The following THSD7B variants were observed in gnomAD, a reference collection of about 807,000 sequenced individuals.
THSD7B encodes thrombospondin type 1 domain containing 7B.
THSD7B carries 138 observed loss-of-function variants against 213.6 expected under a neutral mutation model. The observed-to-expected ratio is 0.65, with a 90% CI of 0.56 to 0.74. The LOEUF is 0.74. Among genes scored for constraint, THSD7B ranks in the 30% least tolerant of loss-of-function variants. The probability of loss-of-function intolerance (pLI) is 0.00; values close to 1 mark genes in which losing one functional copy is unlikely to be tolerated. For missense variants in THSD7B, 1,931 were observed against 1,991.5 expected, an observed-to-expected ratio of 0.97 and a Z score of 0.58; for synonymous variants, 742 against 687.0, an observed-to-expected ratio of 1.08 and a Z score of -1.25.
intron 4 of THSD7B, among the ~76,000 whole-genome samples, chr2:137,103,721 G>A (rs935866239): frequency 1.3e-5 from 2 of 151,708 alleles, no homozygotes; most frequent in Admixed American, 6.6e-5. Flanking sequence ...AAAAAAAGAA[G>A]CAGGGGTTTC....
chr2:137,018,500 T>A (rs1027625382), intron 2 of THSD7B, among the ~76,000 whole-genome samples: 1 of 152,160 alleles, frequency 6.6e-6, no homozygotes, highest in Non-Finnish European at 1.5e-5. Flanking sequence ...ACACAAGGAT[T>A]CACCAGCACA....
chr2:137,663,707 C>A, intron 26 of THSD7B, 132 bp downstream of exon 26: 1 of 784,038 alleles, frequency 1.3e-6, no homozygotes, highest in Non-Finnish European at 2.0e-6. Flanking sequence ...AGGCATAATT[C>A]AGGGTTTCTC....
chr2:137,621,833 T>C (rs934125193), intron 20 of THSD7B, among the ~76,000 whole-genome samples: 4 of 152,182 alleles, frequency 2.6e-5, no homozygotes, highest in Non-Finnish European at 1.5e-5. Context: ...ATGATTCTTG[T>C]GGCTAGAAGG....
chr2:137,213,010 A>G (rs1165464647), intron 7 of THSD7B, among the ~76,000 whole-genome samples: 1 of 148,326 alleles, frequency 6.7e-6, no homozygotes, highest in Non-Finnish European at 1.5e-5. Flanking sequence ...TCTAAATTGC[A>G]TAAGGTGATA....
intron 4 of THSD7B, among the ~76,000 whole-genome samples, chr2:137,112,503 T>C (rs998177332): frequency 9.9e-5 from 15 of 152,254 alleles, no homozygotes; most frequent in African/African-American, 3.4e-4. Context: ...CATTAAACTC[T>C]TGTTTTCATT....
intron 1 of THSD7B, among the ~76,000 whole-genome samples, chr2:136,815,906 AC>A (rs1351797618): frequency 2.0e-5 from 3 of 152,080 alleles, no homozygotes; most frequent in Non-Finnish European, 2.9e-5. Context: ...TTTTTCTGAG[AC>A]AGTGTCTCAC....
chr2:137,526,194 AC>A (rs2105173291), intron 15 of THSD7B, among the ~76,000 whole-genome samples: 1 of 152,258 alleles, frequency 6.6e-6, no homozygotes, highest in South Asian at 2.1e-4. Context: ...GCTACTGGGT[AC>A]ATTCCCTTCC....
intron 12 of THSD7B, among the ~76,000 whole-genome samples, chr2:137,331,877 C>T (rs182944471): frequency 2.1e-3 from 317 of 152,224 alleles, no homozygotes; most frequent in African/African-American, 6.8e-3. Context: ...TGCCCGGGGC[C>T]GGCGGGGCCG....
chr2:137,498,335 C>T (rs1679619874), intron 15 of THSD7B, among the ~76,000 whole-genome samples: 1 of 146,594 alleles, frequency 6.8e-6, no homozygotes, highest in Non-Finnish European at 1.5e-5. Flanking sequence ...ACAGTAAAGT[C>T]TTTTTTTTTT....
intron 12 of THSD7B, among the ~76,000 whole-genome samples, chr2:137,306,722 G>T (rs945546263): frequency 2.6e-5 from 4 of 151,752 alleles, no homozygotes; most frequent in African/African-American, 7.3e-5. Context: ...TTTATATCTT[G>T]AGTTTTCTGT....
At chr2:137,537,571 G>A (rs1288626176) in intron 15 of THSD7B, among the ~76,000 whole-genome samples, 1 of 151,614 alleles carries the variant, frequency 6.6e-6, no homozygotes, top group Non-Finnish European at 1.5e-5. Flanking sequence ...TGTGCTTAGA[G>A]TTTATAAGAT....
intron 15 of THSD7B, among the ~76,000 whole-genome samples, chr2:137,561,453 A>C (rs2105221548): frequency 6.6e-6 from 1 of 152,286 alleles, no homozygotes; most frequent in South Asian, 2.1e-4. Context: ...TTTCAAATTA[A>C]GTTTTTCATC....
chr2:137,393,160 ATT>A (rs577043200), intron 12 of THSD7B, among the ~76,000 whole-genome samples: 2,111 of 141,494 alleles, frequency 0.015, 64 homozygotes, highest in African/African-American at 0.053. Context: ...TTTTTTTTTA[ATT>A]TTTTTTTTTT....
intron 2 of THSD7B, among the ~76,000 whole-genome samples, chr2:136,976,826 T>C (rs1162295082): frequency 6.6e-6 from 1 of 152,004 alleles, no homozygotes; most frequent in East Asian, 1.9e-4. Context: ...TTTCACTGTG[T>C]TAGCCAGGAT....
chr2:136,954,740 T>TAAAAAAAAAAAAAAAAAG lies in THSD7B; in HGVS notation c.139+72424_139+72425insAAAAAAAAAAAAAAAAGA, dbSNP rs773677139. Among the ~76,000 whole-genome samples, 18 of 137,446 alleles carry TAAAAAAAAAAAAAAAAAG rather than the reference T, an allele frequency of 1.3e-4. 3 individuals carry two copies. The highest frequency in any genetic ancestry group is 5.3e-4 in the African/African-American group (17 of 32,262). The allele number at this position is 137,446 out of a possible 152,430, so 90.2% of individuals were successfully genotyped here. A position where few individuals can be genotyped will look rare whatever the true frequency, so the allele number is the denominator to read the frequency against. ...AAAAAAAAAAAAAAAAAAAAGAAATTACATAAGAGCTTTTATACTGTTTAT... is the reference window on the plus strand; with the variant it reads ...AAAAAAAAAAAAAAAAAAAAGAAATTAAAAAAAAAAAAAAAAAGACATAAGAGCTTTTATACTGTTTAT... On this transcript the variant is annotated intron_variant, in intron 2 of 27. Coordinates refer to ENST00000409968, the MANE Select transcript of THSD7B (RefSeq NM_001316349.2).
In THSD7B at chr2:137,057,234, G is replaced by A. The variant is rs6727323; in HGVS notation, c.950+4G>A. ...ATGGACAAAATGCTATGTTAAGGTAGGAGACCTTTGATGCTTGAATTTGAT... is the reference window on the plus strand; with the variant it reads ...ATGGACAAAATGCTATGTTAAGGTAAGAGACCTTTGATGCTTGAATTTGAT... On this transcript the variant is annotated splice_donor_region_variant and intron_variant, in intron 3 of 27. Transcript: ENST00000409968. 179,439 of 1,593,688 alleles carry A rather than the reference G, an allele frequency of 0.11. 10,686 individuals carry two copies. The highest frequency in any genetic ancestry group is 0.18 in the East Asian group (7,901 of 44,606).
intron 2 of THSD7B, among the ~76,000 whole-genome samples, chr2:136,957,753 T>A (rs483623): frequency 0.48 from 73,173 of 152,008 alleles, 18,797 homozygotes; most frequent in Non-Finnish European, 0.58. Flanking sequence ...AACCTTGGCT[T>A]ATTAAAAGAT....
chr2:136,815,296 A>G (rs931512967), intron 1 of THSD7B, among the ~76,000 whole-genome samples: 7 of 152,228 alleles, frequency 4.6e-5, no homozygotes, highest in Non-Finnish European at 1.0e-4. Flanking sequence ...TGAGTAGGTC[A>G]GTCAGGCAAA....
At position 136,965,616 on chromosome 2, in the gene THSD7B, C is replaced by T. The variant is rs188611821; in HGVS notation, c.139+83299C>T. On this transcript the variant is annotated intron_variant, in intron 2 of 27. Coordinates refer to ENST00000409968, the MANE Select transcript of THSD7B (RefSeq NM_001316349.2). ...TTATTTGTCAATGGCATTTCTAAGG[C>T]CCCTTTCTTTGTTCATTTCTCCTTG... 1.7e-3 allele frequency among the ~76,000 whole-genome samples: 266 copies of T among 152,162 alleles called. 1 individual carries two copies. The highest frequency in any genetic ancestry group is 6.2e-3 in the African/African-American group (257 of 41,508).
Sources: allele counts gnomAD v4.1 joint callset (sites outside exome capture counted in the v4.1 genomes callset), GRCh38; gene constraint gnomAD v4.1.1; transcripts MANE v1.5; gene names NCBI Gene and HGNC (gene_info 2026-07-23, HGNC 2026-07-21).